The following SLC24A2 variants were observed in gnomAD, a reference collection of about 807,000 sequenced individuals.
SLC24A2 encodes the protein solute carrier family 24 member 2, also known as sodium/potassium/calcium exchanger 2.
In SLC24A2, 36 loss-of-function variants were observed where a neutral mutation model predicts 62.0. That is an observed-to-expected ratio of 0.58 (90% CI 0.44 to 0.77). SLC24A2 has a LOEUF of 0.77. Ranked by LOEUF, SLC24A2 falls within the 30% of genes least tolerant of loss-of-function variation. SLC24A2 has a pLI of 0.00. For synonymous variants in SLC24A2, 358 were observed against 294.0 expected, an observed-to-expected ratio of 1.22 and a Z score of -2.23; for missense variants, 846 against 817.9, an observed-to-expected ratio of 1.03 and a Z score of -0.42.
intron 2 of SLC24A2, among the ~76,000 whole-genome samples, chr9:19,702,681 T>G (rs967527072): frequency 6.6e-6 from 1 of 152,108 alleles, no homozygotes; most frequent in Non-Finnish European, 1.5e-5. Context: ...ACTTCAGTCA[T>G]TTTTATAACA....
chr9:20,280,902 G>A, the SLC24A2 span, among the ~76,000 whole-genome samples: 1 of 152,186 alleles, frequency 6.6e-6, no homozygotes, highest in Non-Finnish European at 1.5e-5. Flanking sequence ...GCCACCAGAA[G>A]CAGGAGGAGA....
chr9:19,730,272 G>A (rs1458809446), intron 2 of SLC24A2, among the ~76,000 whole-genome samples: 1 of 152,146 alleles, frequency 6.6e-6, no homozygotes, highest in Admixed American at 6.5e-5. Context: ...TTGGCAATAT[G>A]TATCAAGATC....
the SLC24A2 span, among the ~76,000 whole-genome samples, chr9:20,255,131 T>C: frequency 6.6e-6 from 1 of 152,206 alleles, no homozygotes; most frequent in Non-Finnish European, 1.5e-5. Context: ...TGGAATGAAA[T>C]GTGACCAAAG....
chr9:19,806,080 A>G, the SLC24A2 span, among the ~76,000 whole-genome samples: 1 of 152,196 alleles, frequency 6.6e-6, no homozygotes, highest in South Asian at 2.1e-4. Context: ...TTAATCAAGT[A>G]TTAGGATAAC....
At chr9:19,800,487 T>C in the SLC24A2 span, among the ~76,000 whole-genome samples, 2 of 152,242 alleles carry the variant, frequency 1.3e-5, no homozygotes, top group East Asian at 1.9e-4. Flanking sequence ...CATTGTACTT[T>C]GCAAAAATTC....
At chr9:20,156,489 T>C in the SLC24A2 span, among the ~76,000 whole-genome samples, 13 of 151,876 alleles carry the variant, frequency 8.6e-5, no homozygotes, top group East Asian at 2.5e-3. Context: ...CAGCCCCACC[T>C]TCCTGCTGGA....
At chr9:20,134,106 G>C in the SLC24A2 span, among the ~76,000 whole-genome samples, 1 of 152,132 alleles carries the variant, frequency 6.6e-6, no homozygotes, top group Non-Finnish European at 1.5e-5. Context: ...ATCGATGAGA[G>C]CTGAAGCTGT....
At chr9:20,077,819 T>C in the SLC24A2 span, among the ~76,000 whole-genome samples, 50 of 152,350 alleles carry the variant, frequency 3.3e-4, no homozygotes, top group African/African-American at 1.0e-3. Context: ...GATTGCTTAT[T>C]TCTTCTCAGA....
chr9:19,618,122 A>G (rs1817816289), intron 4 of SLC24A2, among the ~76,000 whole-genome samples: 1 of 152,258 alleles, frequency 6.6e-6, no homozygotes, highest in South Asian at 2.1e-4. Context: ...TGCCAAAGAT[A>G]ACTATTAATA....
At chr9:19,703,903 C>T (rs1820430293) in intron 2 of SLC24A2, among the ~76,000 whole-genome samples, 1 of 152,254 alleles carries the variant, frequency 6.6e-6, no homozygotes, top group Admixed American at 6.5e-5. Flanking sequence ...TATGACTCAG[C>T]AAACTATCTA....
chr9:19,984,616 G>T, the SLC24A2 span, among the ~76,000 whole-genome samples: 1 of 152,294 alleles, frequency 6.6e-6, no homozygotes, highest in Non-Finnish European at 1.5e-5. Flanking sequence ...TGAGGCAGGA[G>T]AATCTCTGGA....
At chr9:19,841,062 A>G in the SLC24A2 span, among the ~76,000 whole-genome samples, 2 of 152,130 alleles carry the variant, frequency 1.3e-5, no homozygotes, top group East Asian at 1.9e-4. Context: ...ATTGGCTTAA[A>G]TGAACACAAA....
At chr9:20,206,950 G>C in the SLC24A2 span, among the ~76,000 whole-genome samples, 4 of 151,448 alleles carry the variant, frequency 2.6e-5, no homozygotes, top group African/African-American at 9.7e-5. Flanking sequence ...AAGTATTTGA[G>C]AACTGTTGAC....
intron 2 of SLC24A2, among the ~76,000 whole-genome samples, chr9:19,684,940 C>T (rs772508877): frequency 5.3e-5 from 8 of 152,004 alleles, no homozygotes; most frequent in Non-Finnish European, 1.2e-4. Flanking sequence ...TAATTCTACA[C>T]CTGGAAAACA....
the SLC24A2 span, among the ~76,000 whole-genome samples, chr9:19,920,236 C>A: frequency 3.3e-5 from 5 of 152,106 alleles, no homozygotes; most frequent in African/African-American, 7.2e-5. Flanking sequence ...TGTTTAAAAT[C>A]ATTTGGTAGA....
At chr9:20,215,401 C>T in the SLC24A2 span, among the ~76,000 whole-genome samples, 2 of 152,186 alleles carry the variant, frequency 1.3e-5, no homozygotes, top group Admixed American at 1.3e-4. Flanking sequence ...TAAAACAATT[C>T]TTTCAATGGG....
the SLC24A2 span, among the ~76,000 whole-genome samples, chr9:20,204,741 A>AC: frequency 3.4e-5 from 5 of 146,808 alleles, no homozygotes; most frequent in Non-Finnish European, 7.5e-5. Flanking sequence ...AAAAAGTATA[A>AC]CTTTTTTTTT....
chr9:20,065,493 A>T, the SLC24A2 span, among the ~76,000 whole-genome samples: 14 of 152,246 alleles, frequency 9.2e-5, no homozygotes, highest in African/African-American at 3.1e-4. Context: ...ACAGGAAGCT[A>T]ACGTTTCTCA....
At chr9:19,666,901 G>C (rs1296168875) in intron 2 of SLC24A2, among the ~76,000 whole-genome samples, 1 of 152,048 alleles carries the variant, frequency 6.6e-6, no homozygotes, top group Non-Finnish European at 1.5e-5. Flanking sequence ...ACCATGACAA[G>C]TGCTATTTAT....
Sources: gnomAD v4.1 joint callset for allele counts (sites outside exome capture counted in the v4.1 genomes callset) on GRCh38, gnomAD v4.1.1 for gene constraint, MANE v1.5 for transcripts, NCBI Gene and HGNC (gene_info 2026-07-23, HGNC 2026-07-21) for gene names.